Variants in ZC3H12B observed in about 807,000 individuals in gnomAD.
ZC3H12B encodes the protein probable ribonuclease ZC3H12B.
In ZC3H12B, 7 loss-of-function variants were observed where a neutral mutation model predicts 43.9. The observed-to-expected ratio is 0.16, with a 90% CI of 0.09 to 0.30. The LOEUF (loss-of-function observed/expected upper bound fraction) is 0.30. ZC3H12B is among the 10% of genes least tolerant of loss of function. ZC3H12B has a pLI of 1.00. For missense variants in ZC3H12B, 475 were observed against 670.2 expected, an observed-to-expected ratio of 0.71 and a Z score of 3.22; for synonymous variants, 222 against 241.7, an observed-to-expected ratio of 0.92 and a Z score of 0.76.
At chrX:65,115,789 A>G in the ZC3H12B span, among the ~76,000 whole-genome samples, 1 of 111,767 alleles carries the variant, frequency 8.9e-6, no homozygotes, top group Non-Finnish European at 1.9e-5. Flanking sequence ...TTCGATTTGC[A>G]TCTCCCTGAT....
At chrX:65,173,032 C>T in the ZC3H12B span, among the ~76,000 whole-genome samples, 7 of 111,709 alleles carry the variant, frequency 6.3e-5, no homozygotes, top group Non-Finnish European at 1.1e-4. Flanking sequence ...GCCAATTTCA[C>T]ATTATTGATT....
chrX:65,212,385 G>A, the ZC3H12B span, among the ~76,000 whole-genome samples: 1 of 50,525 alleles, frequency 2.0e-5, no homozygotes, highest in Non-Finnish European at 3.2e-5. Context: ...TGTATAATAT[G>A]TAATATAATT....
chrX:65,435,699 TAGAC>T lies in ZC3H12B; in HGVS notation n.407+36998_407+37001del, dbSNP rs1247503807. On this transcript the variant is annotated intron_variant and non_coding_transcript_variant, in intron 3 of 5. Coordinates refer to the ZC3H12B transcript ENST00000617377. ...ATAGATAGATAGATAGATAGATAGA[TAGAC>T]AGTCAGATAGATGAGAGGGGATTTA... Among the ~76,000 whole-genome samples the T allele has an allele frequency of 5.6e-4, 59 of 105,179 alleles. 1 individual carries two copies. The East Asian group carries it at 0.014, about 24-fold the overall frequency. 91.3% of individuals were successfully genotyped at this position (105,179 alleles called of 115,157 possible).
At chrX:65,104,128 AT>A in the ZC3H12B span, among the ~76,000 whole-genome samples, 5 of 111,713 alleles carry the variant, frequency 4.5e-5, no homozygotes, top group South Asian at 1.9e-3. Flanking sequence ...GTCTACAACC[AT>A]CTGATTGTTG....
At chrX:65,163,368 C>A in the ZC3H12B span, among the ~76,000 whole-genome samples, 3 of 111,594 alleles carry the variant, frequency 2.7e-5, no homozygotes, top group Non-Finnish European at 5.6e-5. Flanking sequence ...GCCCTGCCCC[C>A]AGAAGTGGAG....
At chrX:65,051,393 G>A in the ZC3H12B span, among the ~76,000 whole-genome samples, 1 of 110,197 alleles carries the variant, frequency 9.1e-6, no homozygotes, top group Non-Finnish European at 1.9e-5. Flanking sequence ...GTCTCAGTTT[G>A]CTCTTCTTTT....
chrX:65,198,229 AT>A, the ZC3H12B span, among the ~76,000 whole-genome samples: 1 of 112,117 alleles, frequency 8.9e-6, no homozygotes, highest in African/African-American at 3.2e-5. Context: ...ATTATTTTTT[AT>A]TGGATTATCT....
chrX:65,260,843 G>A, the ZC3H12B span, among the ~76,000 whole-genome samples: 10 of 111,651 alleles, frequency 9.0e-5, no homozygotes, highest in African/African-American at 3.3e-4. Flanking sequence ...CTTATTAGCT[G>A]TTTGACTTTG....
the ZC3H12B span, among the ~76,000 whole-genome samples, chrX:65,223,436 C>T: frequency 8.9e-6 from 1 of 112,274 alleles, no homozygotes; most frequent in African/African-American, 3.2e-5. Flanking sequence ...TGACCAAGAA[C>T]CCAAAAGTAA....
the ZC3H12B span, among the ~76,000 whole-genome samples, chrX:65,248,856 T>C: frequency 1.8e-5 from 2 of 112,139 alleles, no homozygotes; most frequent in Admixed American, 9.5e-5. Context: ...TCTTTTATGT[T>C]TGTTGGTCAT....
At chrX:65,366,787 G>T (rs2066180263) in intron 1 of ZC3H12B, 21 bp downstream of exon 3, 1 of 111,824 alleles carries the variant, frequency 8.9e-6, no homozygotes, top group African/African-American at 3.2e-5. Flanking sequence ...GCTCCTCTAG[G>T]ATACATATCT....
chrX:65,488,707 G>A (rs568462614), upstream of ZC3H12B: 111 of 1,042,341 alleles, frequency 1.1e-4, no homozygotes, highest in South Asian at 7.0e-4. Flanking sequence ...TCGCTACCAC[G>A]ACATTTTACT....
intron 3 of ZC3H12B, among the ~76,000 whole-genome samples, chrX:65,412,641 T>C (rs1463798784): frequency 9.0e-6 from 1 of 110,658 alleles, no homozygotes; most frequent in Non-Finnish European, 1.9e-5. Context: ...CTAATTTTTG[T>C]ATTTTTTGTA....
At chrX:65,104,562 G>GA in the ZC3H12B span, among the ~76,000 whole-genome samples, 2 of 111,079 alleles carry the variant, frequency 1.8e-5, no homozygotes, top group Non-Finnish European at 1.9e-5. Flanking sequence ...AAATTTACAA[G>GA]AAAAAAATCA....
chrX:65,117,438 T>A, the ZC3H12B span, among the ~76,000 whole-genome samples: 2 of 112,113 alleles, frequency 1.8e-5, no homozygotes, highest in African/African-American at 6.5e-5. Context: ...TTGTTTAAGT[T>A]TTTTTGTAGA....
At chrX:65,491,078 G>A (rs768301268) in intron 1 of ZC3H12B, among the ~76,000 whole-genome samples, 1 of 112,172 alleles carries the variant, frequency 8.9e-6, no homozygotes, top group East Asian at 2.8e-4. Flanking sequence ...CTCAGCAAAG[G>A]TAAGTGACTT....
At chrX:65,169,391 C>A in the ZC3H12B span, among the ~76,000 whole-genome samples, 1 of 111,931 alleles carries the variant, frequency 8.9e-6, no homozygotes, top group African/African-American at 3.2e-5. Flanking sequence ...GCACTGTGGT[C>A]TGAGAGACAG....
At chrX:65,297,585 C>A in the ZC3H12B span, among the ~76,000 whole-genome samples, 3 of 110,953 alleles carry the variant, frequency 2.7e-5, no homozygotes, top group Non-Finnish European at 5.7e-5. Flanking sequence ...AAGCAATCTA[C>A]AAACTTAATG....
At chrX:65,275,288 T>C in the ZC3H12B span, among the ~76,000 whole-genome samples, 1 of 112,619 alleles carries the variant, frequency 8.9e-6, no homozygotes, top group Non-Finnish European at 1.9e-5. Context: ...ACCACTGGCC[T>C]ATAAGCCCCC....
Sources: gnomAD v4.1 joint callset for allele counts (sites outside exome capture counted in the v4.1 genomes callset) on GRCh38, gnomAD v4.1.1 for gene constraint, MANE v1.5 for transcripts, NCBI Gene and HGNC (gene_info 2026-07-23, HGNC 2026-07-21) for gene names.